DDX31: variants seen among roughly 807,000 people sequenced by gnomAD.
DDX31 encodes DEAD-box helicase 31.
Under a neutral mutation model 91.3 loss-of-function variants are expected in DDX31, and 70 were observed. That is an observed-to-expected ratio of 0.77 (90% CI 0.63 to 0.94). The LOEUF (loss-of-function observed/expected upper bound fraction) is 0.94. Ranked by LOEUF, DDX31 falls within the 40% of genes least tolerant of loss-of-function variation. The probability of loss-of-function intolerance (pLI) is 0.00; values close to 1 mark genes in which losing one functional copy is unlikely to be tolerated. For missense variants in DDX31, 902 were observed against 925.0 expected (o/e 0.98, Z 0.32); for synonymous variants, 362 against 350.6 (o/e 1.03, Z -0.36).
intron 14 of DDX31, chr9:132,637,715 A>G (rs1490801224): frequency 1.8e-6 from 1 of 554,440 alleles, no homozygotes; most frequent in African/African-American, 2.1e-5. Context: ...GTCAGAGGCG[A>G]GAGATCTTGG....
chr9:132,638,740 T>C (rs1419636416), intron 14 of DDX31, among the ~76,000 whole-genome samples: 1 of 152,098 alleles, frequency 6.6e-6, no homozygotes, highest in Non-Finnish European at 1.5e-5. Context: ...ATAATGAAAA[T>C]GAAATGAAAC....
At chr9:132,643,211 T>C (rs1194705835) in intron 13 of DDX31, among the ~76,000 whole-genome samples, 1 of 148,910 alleles carries the variant, frequency 6.7e-6, no homozygotes, top group Non-Finnish European at 1.5e-5. Context: ...TTAGGTTAAA[T>C]TCCTAGAAAC....
rs1835036721 is a variant in DDX31 at position 132,662,540 on chromosome 9, CT to C, written c.230del (p.Lys77ArgfsTer38). ...TATCACTTGTGCTAACCGAATGCTT[CT>C]TTGGAGAAAACATTTTTTGTGCGTT... ...KGNAQKMFSP[K>X]KHSVSTSDRN... is the part of the protein sequence containing the mutation. On this transcript the variant is annotated frameshift_variant, in exon 2 of 20. Coordinates refer to ENST00000372159, the MANE Select transcript of DDX31 (RefSeq NM_022779.9). LOFTEE classifies it high-confidence loss of function. The C allele has an allele frequency of 1.2e-6, 2 of 1,614,108 alleles. No homozygotes were observed. The highest frequency in any genetic ancestry group is 2.7e-5 in the African/African-American group (2 of 74,932).
intron 18 of DDX31, among the ~76,000 whole-genome samples, chr9:132,615,472 G>A (rs944842384): frequency 6.6e-6 from 1 of 151,958 alleles, no homozygotes; most frequent in Non-Finnish European, 1.5e-5. Flanking sequence ...GTTCCCTGCT[G>A]TTCTCTTCAA....
rs928019438 is a variant in DDX31, at chr9:132,593,950, C to G, written c.*916G>C. 3.5e-5 allele frequency: 5 copies of G among 143,286 alleles called. No individual in the cohort carries two copies. The highest frequency in any genetic ancestry group is 1.3e-4 in the African/African-American group (5 of 38,518). The allele number at this position is 143,286 out of a possible 1,614,324, so 8.9% of individuals were successfully genotyped here. A position where few individuals can be genotyped will look rare whatever the true frequency, so the allele number is the denominator to read the frequency against. ...CCCCTCTGCAAGTGCCCAAATCTTACATTTATTGGGAAATCAATATGCTCC... is the reference window on the plus strand; with the variant it reads ...CCCCTCTGCAAGTGCCCAAATCTTAGATTTATTGGGAAATCAATATGCTCC... On this transcript the variant is annotated 3_prime_UTR_variant, in exon 20 of 20. Coordinates refer to ENST00000372159, the MANE Select transcript of DDX31 (RefSeq NM_022779.9).
At chr9:132,607,846 G>A (rs923165609) in intron 19 of DDX31, among the ~76,000 whole-genome samples, 1 of 152,114 alleles carries the variant, frequency 6.6e-6, no homozygotes, top group African/African-American at 2.4e-5. Flanking sequence ...AAGAACTTAA[G>A]GCACATCGTT....
chr9:132,619,085 G>A (rs942774112), intron 17 of DDX31, among the ~76,000 whole-genome samples: 4 of 152,132 alleles, frequency 2.6e-5, no homozygotes, highest in East Asian at 1.9e-4. Context: ...GCAGCAAATC[G>A]TCCCTGTGTA....
chr9:132,640,021 G>A (rs1362530725), intron 14 of DDX31, among the ~76,000 whole-genome samples: 1 of 152,170 alleles, frequency 6.6e-6, no homozygotes, highest in Non-Finnish European at 1.5e-5. Context: ...CCTGTCTAGC[G>A]CCCCCAATTT....
chr9:132,647,627 G>T (rs911990272), intron 11 of DDX31, among the ~76,000 whole-genome samples: 1 of 152,164 alleles, frequency 6.6e-6, no homozygotes, highest in South Asian at 2.1e-4. Flanking sequence ...ACAGAAAAAC[G>T]TGAAAGCTGC....
chr9:132,669,965 C>A lies in DDX31; in HGVS notation c.-31G>T. On this transcript the variant is annotated 5_prime_UTR_variant, in exon 1 of 20. Coordinates refer to ENST00000372159, the MANE Select transcript of DDX31 (RefSeq NM_022779.9). The stretch of plus-strand genomic sequence containing the variant: ...GCGTGGGTGACGCGTGGTGCAGCAG[C>A]GAGCCCGGTGCGCAGACTGCTGGGC... The A allele has an allele frequency of 6.3e-7, 1 of 1,579,282 alleles. No individual in the cohort carries two copies. The highest frequency in any genetic ancestry group is 8.6e-7 in the Non-Finnish European group (1 of 1,163,636).
chr9:132,661,168 C>T (rs200193723), intron 4 of DDX31, 40 bp downstream of exon 4: 11 of 1,582,390 alleles, frequency 7.0e-6, no homozygotes, highest in Middle Eastern at 1.7e-4. Flanking sequence ...GTTATACCCA[C>T]GTAATGCCTA....
intron 19 of DDX31, among the ~76,000 whole-genome samples, chr9:132,606,438 A>C (rs1014202791): frequency 6.6e-6 from 1 of 152,194 alleles, no homozygotes; most frequent in African/African-American, 2.4e-5. Flanking sequence ...GAAAAGTTCA[A>C]GGGTGCTAAA....
intron 1 of DDX31, among the ~76,000 whole-genome samples, chr9:132,664,695 T>A (rs115112117): frequency 8.6e-4 from 110 of 127,596 alleles, no homozygotes; most frequent in African/African-American, 3.2e-3. Flanking sequence ...CCAGCCTGGG[T>A]GACAGAGTAA....
Position 132,659,710 on chromosome 9 carries a change from C to T in DDX31, c.523G>A (p.Gly175Ser), listed in dbSNP as rs773101258. Reference protein sequence around the residue: ...DALVRSQTGSGKTLAYCIPVV... With the variant: ...DALVRSQTGSSKTLAYCIPVV... Reference sequence around the variant, plus strand: ...AGGGCAGAGATGAAATGAGACTAACCTGAGCCCGTCTGGGATCTCACGAGA... The same window carrying T: ...AGGGCAGAGATGAAATGAGACTAACTTGAGCCCGTCTGGGATCTCACGAGA... The change falls in exon 5 of 20, where the codon GGT becomes AGT. Residue 175 changes from glycine to serine, a missense_variant and splice_region_variant. Coordinates refer to ENST00000372159, the MANE Select transcript of DDX31 (RefSeq NM_022779.9). 1.8e-5 allele frequency: 29 copies of T among 1,608,624 alleles called. No individual in the cohort carries two copies. Among genetic ancestry groups the T allele is most frequent in the Non-Finnish European group, 2.4e-5 (28 of 1,177,068 alleles).
rs114384781 is a variant in DDX31, at chr9:132,649,838, G to C, written c.740+396C>G. ...GAACAAACATATTCGGTTGTAAAAAGCAAGTTACAAAGCATTATATAAGTG... is the reference window on the plus strand; with the variant it reads ...GAACAAACATATTCGGTTGTAAAAACCAAGTTACAAAGCATTATATAAGTG... On this transcript the variant is annotated intron_variant, in intron 9 of 19. Transcript: ENST00000372159. Among the ~76,000 whole-genome samples, 1,499 of 152,242 alleles carry C rather than the reference G, an allele frequency of 9.8e-3. 18 individuals are homozygous for C. The highest frequency in any genetic ancestry group is 0.032 in the African/African-American group (1,346 of 41,534).
Position 132,610,869 on chromosome 9 carries a change from A to T in DDX31, c.1994+1218T>A, listed in dbSNP as rs572582183. Among the ~76,000 whole-genome samples the T allele has an allele frequency of 7.9e-5, 12 of 152,296 alleles. No individual in the cohort carries two copies. The East Asian group carries it at 2.3e-3, about 29-fold the overall frequency. ...TAAGAAAAGGGAAGGCCCCAAACTC[A>T]CATCAGAACGGAGCCGACTTCAATC... On this transcript the variant is annotated intron_variant, in intron 19 of 19. Coordinates refer to ENST00000372159, the MANE Select transcript of DDX31 (RefSeq NM_022779.9).
intron 4 of DDX31, among the ~76,000 whole-genome samples, chr9:132,660,076 C>T (rs1834837345): frequency 6.6e-6 from 1 of 152,150 alleles, no homozygotes; most frequent in Non-Finnish European, 1.5e-5. Context: ...TGGCTCACAC[C>T]TGTAATCCCT....
At chr9:132,616,029 AAG>A (rs1300170053) in intron 18 of DDX31, among the ~76,000 whole-genome samples, 1 of 152,248 alleles carries the variant, frequency 6.6e-6, no homozygotes, top group African/African-American at 2.4e-5. Context: ...TGAAATGCAA[AAG>A]AGTGTCTCCA....
Position 132,650,247 on chromosome 9 carries a change from A to AT in DDX31, c.726dup (p.Ser243IlefsTer33). On this transcript the variant is annotated frameshift_variant, in exon 9 of 20. Transcript: ENST00000372159. LOFTEE classifies it high-confidence loss of function. ...ACCTCTTCCTACCTGGCCTTTTCTGATTTTCTCTTCTCTCCTCCCATTAAC... is the reference window on the plus strand; with the variant it reads ...ACCTCTTCCTACCTGGCCTTTTCTGATTTTTCTCTTCTCTCCTCCCATTAAC... 1 of 1,613,980 alleles carries AT rather than the reference A, an allele frequency of 6.2e-7. No homozygotes were observed. Among genetic ancestry groups the AT allele is most frequent in the South Asian group, 1.1e-5 (1 of 91,056 alleles).
Sources: gnomAD v4.1 joint callset for allele counts (sites outside exome capture counted in the v4.1 genomes callset) on GRCh38, gnomAD v4.1.1 for gene constraint, MANE v1.5 for transcripts, NCBI Gene and HGNC (gene_info 2026-07-23, HGNC 2026-07-21) for gene names.